Variants in PRXL2A observed in about 807,000 individuals in gnomAD.
PRXL2A encodes the protein peroxiredoxin-like 2A.
A neutral mutation model predicts 25.6 loss-of-function variants in PRXL2A; 26 were observed. That is an observed-to-expected ratio of 1.02 (90% CI 0.74 to 1.41). The LOEUF is 1.41. Ranked by LOEUF, PRXL2A falls within the 40% of genes most tolerant of loss-of-function variation. The pLI, the probability that PRXL2A is intolerant of heterozygous loss-of-function variation, is 0.00. For synonymous variants in PRXL2A, 98 were observed against 102.9 expected (o/e 0.95, Z 0.29); for missense variants, 246 against 273.9 (o/e 0.90, Z 0.72).
At chr10:80,417,204 A>G (rs922981637) in intron 1 of PRXL2A, among the ~76,000 whole-genome samples, 4 of 152,262 alleles carry the variant, frequency 2.6e-5, no homozygotes, top group Non-Finnish European at 4.4e-5. Context: ...CAAAAAGAGC[A>G]ACGGTACCAG....
At chr10:80,409,743 G>A (rs1254409383) in intron 1 of PRXL2A, among the ~76,000 whole-genome samples, 1 of 152,162 alleles carries the variant, frequency 6.6e-6, no homozygotes. Flanking sequence ...GGTAATCATT[G>A]CTCTAGAAAT....
intron 4 of PRXL2A, 27 bp downstream of exon 4, chr10:80,426,033 A>C (rs116495344): frequency 6.2e-7 from 1 of 1,613,758 alleles, no homozygotes; most frequent in Non-Finnish European, 8.5e-7. Flanking sequence ...GCTTTTAGAC[A>C]CAGACTGCTG....
At chr10:80,416,979 C>T (rs1044844635) in intron 1 of PRXL2A, among the ~76,000 whole-genome samples, 26 of 152,174 alleles carry the variant, frequency 1.7e-4, no homozygotes, top group Admixed American at 7.2e-4. Context: ...CACTTTGAGA[C>T]GAATTAAGAG....
intron 1 of PRXL2A, chr10:80,419,915 A>G (rs1337437908): frequency 3.2e-6 from 3 of 942,774 alleles, no homozygotes; most frequent in Non-Finnish European, 3.8e-6. Context: ...CTTGATGAGT[A>G]GGATATGGTC....
intron 3 of PRXL2A, among the ~76,000 whole-genome samples, chr10:80,424,636 CAGGTGG>C (rs1844978905): frequency 1.3e-5 from 2 of 151,454 alleles, no homozygotes; most frequent in Admixed American, 6.6e-5. Flanking sequence ...GAGGCCGAGG[CAGGTGG>C]ATCACTTGAG....
At chr10:80,411,696 G>T (rs772979047) in intron 1 of PRXL2A, among the ~76,000 whole-genome samples, 3 of 152,196 alleles carry the variant, frequency 2.0e-5, no homozygotes, top group East Asian at 1.9e-4. Flanking sequence ...GAGGGAAACA[G>T]AGGAGACCAG....
intron 2 of PRXL2A, 108 bp from the exon 3 acceptor site, chr10:80,422,309 A>G (rs1174474026): frequency 5.1e-6 from 4 of 785,680 alleles, no homozygotes; most frequent in South Asian, 3.3e-5. Flanking sequence ...CAGGTCCTCT[A>G]CTAGGCCGGG....
rs1268721609 is a variant in PRXL2A at position 80,433,310 on chromosome 10, T to A, written c.*1211T>A. On this transcript the variant is annotated 3_prime_UTR_variant, in exon 6 of 6. Coordinates refer to ENST00000606162, the MANE Select transcript of PRXL2A (RefSeq NM_032333.5). ...AGAGATGATGAAATATAACTTTATC[T>A]TTTTTGTTTGAATTTTGTCGTGTAA... is the stretch of plus-strand genomic sequence containing the variant. The A allele has an allele frequency of 6.6e-6, 1 of 152,226 alleles. No individual in the cohort carries two copies. The highest frequency in any genetic ancestry group is 1.5e-5 in the Non-Finnish European group (1 of 68,046). The allele number at this position is 152,226 out of a possible 1,614,324, so 9.4% of individuals were successfully genotyped here.
upstream of PRXL2A, chr10:80,408,476 G>C (rs1486769901): frequency 6.6e-6 from 1 of 152,422 alleles, no homozygotes; most frequent in Admixed American, 6.5e-5. Flanking sequence ...CCTCCCACGG[G>C]GGGCGGGGCG....
At chr10:80,420,813 C>A (rs1037013240) in intron 2 of PRXL2A, among the ~76,000 whole-genome samples, 168 bp downstream of exon 2, 1 of 152,058 alleles carries the variant, frequency 6.6e-6, no homozygotes, top group Admixed American at 6.6e-5. Context: ...TACCCTAACA[C>A]AGTAATTTTG....
At chr10:80,429,823 C>T (rs996076436) in intron 5 of PRXL2A, among the ~76,000 whole-genome samples, 3 of 152,242 alleles carry the variant, frequency 2.0e-5, no homozygotes, top group Non-Finnish European at 4.4e-5. Context: ...CCCTACCCGC[C>T]TCTGCCTTCT....
chr10:80,416,835 G>T (rs954328723), intron 1 of PRXL2A, among the ~76,000 whole-genome samples: 67 of 152,152 alleles, frequency 4.4e-4, no homozygotes, highest in Admixed American at 4.1e-3. Flanking sequence ...TAAGGTGGGG[G>T]TTGAGATTCT....
intron 1 of PRXL2A, among the ~76,000 whole-genome samples, chr10:80,417,275 A>T (rs1413006014): frequency 3.3e-5 from 5 of 152,256 alleles, no homozygotes; most frequent in Non-Finnish European, 7.3e-5. Context: ...ACCCGAACTC[A>T]AGGCTTTATG....
rs569769493 is a variant in PRXL2A at position 80,433,347 on chromosome 10, A to G, written c.*1248A>G. On this transcript the variant is annotated 3_prime_UTR_variant, in exon 6 of 6. Coordinates refer to ENST00000606162, the MANE Select transcript of PRXL2A (RefSeq NM_032333.5). ...ATTTTGTCGTGTAAGTTTGAGTGAC[A>G]TCATCAAGACCTACCAGGGAGCTCG... is the stretch of plus-strand genomic sequence containing the variant. The G allele has an allele frequency of 2.0e-5, 3 of 152,354 alleles. No individual in the cohort carries two copies. The highest frequency in any genetic ancestry group is 2.9e-5 in the Non-Finnish European group (2 of 68,040). 9.4% of individuals were successfully genotyped at this position (152,354 alleles called of 1,614,324 possible).
intron 1 of PRXL2A, among the ~76,000 whole-genome samples, chr10:80,411,827 G>A (rs11202815): frequency 0.39 from 59,589 of 151,916 alleles, 13,003 homozygotes; most frequent in East Asian, 0.94. Flanking sequence ...CCCTATCTCT[G>A]CCTCAGGCCA....
At chr10:80,421,064 C>T (rs1349002573) in intron 2 of PRXL2A, among the ~76,000 whole-genome samples, 1 of 152,116 alleles carries the variant, frequency 6.6e-6, no homozygotes, top group Non-Finnish European at 1.5e-5. Flanking sequence ...AAAAGGAGTT[C>T]CTGAGTGAAC....
intron 1 of PRXL2A, among the ~76,000 whole-genome samples, chr10:80,414,030 C>T (rs528281721): frequency 2.0e-5 from 3 of 152,276 alleles, no homozygotes; most frequent in East Asian, 3.9e-4. Context: ...CTAGAATGTT[C>T]TGACTCCAAA....
rs572444302 is a variant in PRXL2A at position 80,436,570 on chromosome 10, CTT to C, written c.*4473_*4474del. On this transcript the variant is annotated 3_prime_UTR_variant, in exon 6 of 6. Transcript: ENST00000606162. ...GGATGCCCCTGATCATCTCTGATAA[CTT>C]TAAAAGGAAGGCCTCAGAAGCAGCC... 8.7e-4 allele frequency: 132 copies of C among 152,372 alleles called. No individual in the cohort carries two copies. The highest frequency in any genetic ancestry group is 3.4e-3 in the Middle Eastern group (1 of 294). 9.4% of individuals were successfully genotyped at this position (152,372 alleles called of 1,614,324 possible).
At chr10:80,408,158 C>T (rs1426998343), upstream of PRXL2A, among the ~76,000 whole-genome samples, 1 of 141,196 alleles carries the variant, frequency 7.1e-6, no homozygotes, top group East Asian at 1.9e-4. Flanking sequence ...ATTCCCCCTG[C>T]CCATGGAGGT....
Sources: gnomAD v4.1 joint callset for allele counts (sites outside exome capture counted in the v4.1 genomes callset) on GRCh38, gnomAD v4.1.1 for gene constraint, MANE v1.5 for transcripts, NCBI Gene and HGNC (gene_info 2026-07-23, HGNC 2026-07-21) for gene names.